The following DDX19A variants were observed in gnomAD, a reference collection of about 807,000 sequenced individuals.
DDX19A encodes the protein DEAD-box helicase 19A.
Under a neutral mutation model 60.6 loss-of-function variants are expected in DDX19A, and 12 were observed. The observed-to-expected ratio is 0.20, with a 90% CI of 0.13 to 0.32. DDX19A has a LOEUF of 0.32. Among genes scored for constraint, DDX19A ranks in the 10% least tolerant of loss-of-function variants. DDX19A has a pLI of 1.00. For synonymous variants in DDX19A, 206 were observed against 218.2 expected (o/e 0.94, Z 0.49); for missense variants, 337 against 600.6 (o/e 0.56, Z 4.59).
intron 2 of DDX19A, among the ~76,000 whole-genome samples, chr16:70,353,129 C>CTTTTCTTT (rs1964077389): frequency 6.9e-6 from 1 of 144,628 alleles, no homozygotes; most frequent in African/African-American, 2.6e-5. Flanking sequence ...TTCTTTCTTT[C>CTTTTCTTT]TTTTTTTTTT....
At chr16:70,356,919 G>C in intron 4 of DDX19A, 1 of 1,166,702 alleles carries the variant, frequency 8.6e-7, no homozygotes, top group Non-Finnish European at 1.1e-6. Flanking sequence ...AAGCCCTTAA[G>C]TGAGAACATG....
chr16:70,364,700 C>T, intron 6 of DDX19A, 55 bp downstream of exon 6: 1 of 1,331,890 alleles, frequency 7.5e-7, no homozygotes, highest in Non-Finnish European at 1.1e-6. Context: ...GAGCGCAGTG[C>T]CATCTGGTGA....
chr16:70,351,588 G>C (rs1385375823), intron 2 of DDX19A, among the ~76,000 whole-genome samples: 1 of 149,858 alleles, frequency 6.7e-6, no homozygotes, highest in Non-Finnish European at 1.5e-5. Flanking sequence ...GCAGTGGTGT[G>C]ATCTCGGCTT....
intron 9 of DDX19A, among the ~76,000 whole-genome samples, chr16:70,369,484 G>C (rs941882571): frequency 1.3e-5 from 2 of 151,808 alleles, no homozygotes; most frequent in African/African-American, 4.8e-5. Context: ...GGCCCCCAGG[G>C]TAGTCTTTTA....
At chr16:70,355,425 C>T (rs1402344558) in intron 2 of DDX19A, 60 bp from the exon 3 acceptor site, 3 of 1,151,746 alleles carry the variant, frequency 2.6e-6, no homozygotes, top group Non-Finnish European at 3.9e-6. Context: ...TATATTGTCC[C>T]ACATTTTTGG....
chr16:70,356,229 C>T lies in DDX19A; in HGVS notation c.275C>T (p.Ser92Leu), dbSNP rs1964180546. Residue 92 changes from serine to leucine, a missense_variant, in exon 4 of 12, where the codon TCG (serine) becomes TTG (leucine). Ser to Leu is a moderately radical substitution (Grantham distance 145). Coordinates refer to ENST00000302243, the MANE Select transcript of DDX19A (RefSeq NM_018332.5). Reference protein sequence around the residue: ...DPNSPLYSVKSFEELRLKPQL... With the variant: ...DPNSPLYSVKLFEELRLKPQL... ...AACTCCCCTCTGTACTCGGTGAAGT[C>T]GTTTGAAGAGCTTCGGCTGTGAGTA... 3.7e-6 allele frequency: 6 copies of T among 1,614,204 alleles called. No homozygotes were observed. Among genetic ancestry groups the T allele is most frequent in the South Asian group, 1.1e-5 (1 of 91,082 alleles).
intron 4 of DDX19A, among the ~76,000 whole-genome samples, chr16:70,357,270 A>AAAAT (rs1555552554): frequency 8.1e-6 from 1 of 123,032 alleles, no homozygotes; most frequent in South Asian, 2.4e-4. Context: ...AAAAAAAAAA[A>AAAAT]ATATATATAT....
chr16:70,370,408 C>A (rs1316889800), intron 10 of DDX19A, 23 bp downstream of exon 10: 3 of 1,601,710 alleles, frequency 1.9e-6, no homozygotes, highest in Non-Finnish European at 2.6e-6. Flanking sequence ...CGTGTCCCAC[C>A]TGGTCTGCCA....
intron 7 of DDX19A, 129 bp from the exon 8 acceptor site, chr16:70,365,956 A>T: frequency 7.2e-7 from 1 of 1,392,104 alleles, no homozygotes; most frequent in South Asian, 1.3e-5. Context: ...GACTGAGGGG[A>T]ACACTCATGT....
In DDX19A at chr16:70,357,458, CA is replaced by C. The variant is rs1373381741; in HGVS notation, c.293+1212del. On this transcript the variant is annotated intron_variant, in intron 4 of 11. Coordinates refer to ENST00000302243, the MANE Select transcript of DDX19A (RefSeq NM_018332.5). ...AGAGTGCAGTGGCGTGATCTCAGCT[CA>C]CCACAACCTCCACCTCCCAGGTCCA... Among the ~76,000 whole-genome samples the C allele has an allele frequency of 2.1e-4, 27 of 127,776 alleles. 1 individual carries two copies. Among genetic ancestry groups the C allele is most frequent in the South Asian group, 8.8e-4 (3 of 3,420 alleles). 83.8% of individuals were successfully genotyped at this position (127,776 alleles called of 152,430 possible).
intron 4 of DDX19A, 27 bp downstream of exon 4, chr16:70,356,274 C>T: frequency 6.2e-7 from 1 of 1,612,688 alleles, no homozygotes; most frequent in Non-Finnish European, 8.5e-7. Context: ...TTCAACAGCT[C>T]TTCGTTGCCA....
chr16:70,353,396 G>A (rs575343852), intron 2 of DDX19A, among the ~76,000 whole-genome samples: 1 of 152,130 alleles, frequency 6.6e-6, no homozygotes, highest in South Asian at 2.1e-4. Flanking sequence ...TTACAGGCAC[G>A]AGCCACCACG....
chr16:70,355,976 A>G, intron 3 of DDX19A, 136 bp from the exon 4 acceptor site: 1 of 1,094,556 alleles, frequency 9.1e-7, no homozygotes, highest in Non-Finnish European at 1.3e-6. Context: ...AAATAAATAG[A>G]GACCTATCAG....
intron 7 of DDX19A, chr16:70,365,759 AAC>A (rs1488360534): frequency 2.6e-6 from 1 of 389,870 alleles, no homozygotes; most frequent in Non-Finnish European, 4.8e-6. Flanking sequence ...TAGTCTGGGC[AAC>A]AGAGTGAGAC....
rs931705828 is a variant in DDX19A at position 70,356,260 on chromosome 16, T to C, written c.293+13T>C. The C allele has an allele frequency of 1.9e-6, 3 of 1,614,020 alleles. No individual in the cohort carries two copies. The highest frequency in any genetic ancestry group is 2.5e-6 in the Non-Finnish European group (3 of 1,179,992). On this transcript the variant is annotated intron_variant, in intron 4 of 11. Transcript: ENST00000302243. ...AAGAGCTTCGGCTGTGAGTATTCGC[T>C]CCTTTCAACAGCTCTTCGTTGCCAG...
rs1365804818 is a variant in DDX19A, at chr16:70,368,493, A to C, written c.1020+1632A>C. On this transcript the variant is annotated intron_variant, in intron 9 of 11. Transcript: ENST00000302243. ...ACCATGTTGCCCAGGCTTGTCTTGA[A>C]CTGCTGACCACAGGTGATCCAACTG... Among the ~76,000 whole-genome samples, 129 of 151,808 alleles carry C rather than the reference A, an allele frequency of 8.5e-4. 1 individual carries two copies. The highest frequency in any genetic ancestry group is 1.5e-5 in the Non-Finnish European group (1 of 67,958).
chr16:70,364,640 C>T lies in DDX19A; in HGVS notation c.484C>T (p.Pro162Ser). 2 of 1,613,808 alleles carry T rather than the reference C, an allele frequency of 1.2e-6. No homozygotes were observed. The highest frequency in any genetic ancestry group is 1.7e-6 in the Non-Finnish European group (2 of 1,179,700). ...CCGAGTGGAGCCATCAGACAGATAC[C>T]CCCAGGTGAGGGCTTGCGGGGCTGG... The part of the protein sequence containing the change: ...LSRVEPSDRY[P>S]QCLCLSPTYE... The change falls in exon 6 of 12, where the codon CCC (proline) becomes TCC (serine). Residue 162 changes from proline (P) to serine (S), a missense_variant. This residue lies in a region of DDX19A where 62 missense variants were observed against 75.7 expected (regional missense o/e 0.82). Transcript: ENST00000302243.
chr16:70,361,090 A>C (rs1964351074), intron 4 of DDX19A, among the ~76,000 whole-genome samples: 1 of 152,198 alleles, frequency 6.6e-6, no homozygotes, highest in South Asian at 2.1e-4. Context: ...ATGAATTAAT[A>C]ACCACCACCC....
intron 9 of DDX19A, 41 bp from the exon 10 acceptor site, chr16:70,370,182 A>C: frequency 1.3e-6 from 2 of 1,591,514 alleles, no homozygotes; most frequent in Non-Finnish European, 1.7e-6. Context: ...AAAAATATAT[A>C]CTCAAATACT....
Sources: allele counts gnomAD v4.1 joint callset (sites outside exome capture counted in the v4.1 genomes callset), GRCh38; gene constraint gnomAD v4.1.1; regional missense constraint gnomAD v4.1.1; transcripts MANE v1.5; gene names NCBI Gene and HGNC (gene_info 2026-07-23, HGNC 2026-07-21).